SEMA6B: variants seen among roughly 807,000 people sequenced by gnomAD.
SEMA6B encodes the protein semaphorin 6B.
In SEMA6B, 47 loss-of-function variants were observed where a neutral mutation model predicts 78.6. The observed-to-expected ratio is 0.60, with a 90% CI of 0.47 to 0.76. The LOEUF (loss-of-function observed/expected upper bound fraction) is 0.76. Among genes scored for constraint, SEMA6B ranks in the 30% least tolerant of loss-of-function variants. SEMA6B has a pLI of 0.00. For synonymous variants in SEMA6B, 632 were observed against 592.2 expected, an observed-to-expected ratio of 1.07 and a Z score of -0.98; for missense variants, 1,213 against 1,269.9, an observed-to-expected ratio of 0.96 and a Z score of 0.68.
rs757895829 is a variant in SEMA6B at position 4,556,017 on chromosome 19, C to T, written c.442G>A (p.Ala148Thr). The T allele has an allele frequency of 6.2e-7, 1 of 1,614,138 alleles. No individual in the cohort carries two copies. The highest frequency in any genetic ancestry group is 8.5e-7 in the Non-Finnish European group (1 of 1,179,984). Residue 148 changes from alanine (A) to threonine (T), a missense_variant, in exon 6 of 17, where the codon GCC becomes ACC. Transcript: ENST00000586582. ...ESTLFVCGSN[A>T]FNPVCANYSI... is the part of the protein sequence containing the mutation. ...TAGTTGGCGCACACCGGGTTGAAGG[C>T]GTTGGAACCGCACACAAAGAGCGTG...
chr19:4,559,009 C>A (rs980427167), intron 1 of SEMA6B, among the ~76,000 whole-genome samples: 2 of 152,042 alleles, frequency 1.3e-5, no homozygotes, highest in Admixed American at 6.6e-5. Context: ...GCCTGCCTAA[C>A]ATAGCGAAAC....
chr19:4,558,863 TA>T lies in SEMA6B; in HGVS notation c.-32-375del, dbSNP rs926351735. Among the ~76,000 whole-genome samples the T allele has an allele frequency of 1.3e-3, 181 of 143,268 alleles. No individual in the cohort carries two copies. The highest frequency in any genetic ancestry group is 1.3e-3 in the Admixed American group (19 of 14,348). The allele number at this position is 143,268 out of a possible 152,430, so 94.0% of individuals were successfully genotyped here. A position where few individuals can be genotyped will look rare whatever the true frequency, so the allele number is the denominator to read the frequency against. ...ACACAAAAATATTAAACTCAAAGGC[TA>T]AAAAAAAAAAGAGTCAAAGGCTCTT... On this transcript the variant is annotated intron_variant, in intron 1 of 16. Coordinates refer to ENST00000586582, the MANE Select transcript of SEMA6B (RefSeq NM_032108.4). The surrounding 1 kb of genome is among the most constrained non-coding windows in gnomAD (Gnocchi z 5.1).
Position 4,558,078 on chromosome 19 carries a change from G to C in SEMA6B, c.193C>G (p.Leu65Val). The C allele has an allele frequency of 5.2e-6, 8 of 1,527,274 alleles. No homozygotes were observed. The highest frequency in any genetic ancestry group is 1.2e-5 in the South Asian group (1 of 81,278). 94.6% of individuals were successfully genotyped at this position (1,527,274 alleles called of 1,614,324 possible). ...RLTPAEGADD[L>V]NIQRVLRVNR... is the part of the protein sequence containing the mutation. ...ACCCGCAGGACTCGCTGGATGTTGA[G>C]GTCGTCAGCACCTTCTGCGGGGGTC... The change falls in exon 3 of 17, where the codon CTC becomes GTC. Residue 65 changes from leucine (L) to valine (V), a missense_variant. Coordinates refer to ENST00000586582, the MANE Select transcript of SEMA6B (RefSeq NM_032108.4). This position sits in a 1 kb window ranked among gnomAD's most constrained non-coding sequence, Gnocchi z 5.1.
intron 9 of SEMA6B, among the ~76,000 whole-genome samples, chr19:4,554,013 G>T (rs1977406978): frequency 6.6e-6 from 1 of 152,048 alleles, no homozygotes; most frequent in Non-Finnish European, 1.5e-5. Flanking sequence ...ATGGATTAAT[G>T]GGCTCATGAA....
At chr19:4,554,568 G>A in intron 8 of SEMA6B, 92 bp from the exon 9 acceptor site, 2 of 977,576 alleles carry the variant, frequency 2.0e-6, no homozygotes, top group Non-Finnish European at 1.6e-6. Flanking sequence ...GTGAAGGGGG[G>A]ACATAGGCTG....
At chr19:4,546,185 G>A (rs995243214) in intron 16 of SEMA6B, 31 bp downstream of exon 16, 25 of 1,580,822 alleles carry the variant, frequency 1.6e-5, no homozygotes, top group Non-Finnish European at 2.1e-5. Flanking sequence ...GTGGGGGATG[G>A]GGGTCTTAGC....
chr19:4,544,090 G>A lies in SEMA6B; in HGVS notation c.2178C>T (p.His726=). Residue 726 remains histidine, a synonymous_variant, in exon 17 of 17, where the codon CAC becomes CAT. Transcript: ENST00000586582. This position sits in a 1 kb window ranked among gnomAD's most constrained non-coding sequence, Gnocchi z 5.1. ...PQKRLPTPHP[H]PHALGPRAWD... is the part of the protein sequence containing the mutation. The stretch of plus-strand genomic sequence containing the variant: ...AGGCGCGGGGGCCCAGGGCGTGGGG[G>A]TGCGGGTGCGGAGTGGGCAGGCGCT... The A allele has an allele frequency of 8.0e-7, 1 of 1,257,750 alleles. No individual in the cohort carries two copies. Among genetic ancestry groups the A allele is most frequent in the Non-Finnish European group, 1.0e-6 (1 of 1,002,190 alleles). The allele number at this position is 1,257,750 out of a possible 1,614,324, so 77.9% of individuals were successfully genotyped here.
rs751130746 is a variant in SEMA6B at position 4,543,096 on chromosome 19, C to A, written c.*505G>T. 6.8e-5 allele frequency: 43 copies of A among 629,668 alleles called. No individual in the cohort carries two copies. In the Middle Eastern group the frequency reaches 1.3e-3, roughly 18 times the overall value. The allele number at this position is 629,668 out of a possible 1,614,324, so 39.0% of individuals were successfully genotyped here. On this transcript the variant is annotated 3_prime_UTR_variant, in exon 17 of 17. Coordinates refer to ENST00000586582, the MANE Select transcript of SEMA6B (RefSeq NM_032108.4). The stretch of plus-strand genomic sequence containing the variant: ...TCGCTGGCACGCACACACACGCCCA[C>A]CTCCCCGGCCCCTTGCACACGAACA...
In SEMA6B at chr19:4,544,674, G is replaced by A; in HGVS notation, c.1739-145C>T. The A allele has an allele frequency of 2.1e-6, 1 of 469,394 alleles. No individual in the cohort carries two copies. Among genetic ancestry groups the A allele is most frequent in the Non-Finnish European group, 3.4e-6 (1 of 290,302 alleles). 29.1% of individuals were successfully genotyped at this position (469,394 alleles called of 1,614,324 possible). A position where few individuals can be genotyped will look rare whatever the true frequency, so the allele number is the denominator to read the frequency against. On this transcript the variant is annotated intron_variant, in intron 16 of 16. Coordinates refer to ENST00000586582, the MANE Select transcript of SEMA6B (RefSeq NM_032108.4). The surrounding 1 kb of genome is among the most constrained non-coding windows in gnomAD (Gnocchi z 5.1). ...TTTTTGAGAAGGAGTCTTCCTTTGT[G>A]TGCCAGGCTGGAGTGCAGTGGGGCG...
At chr19:4,547,005 GC>G (rs1223341847) in intron 14 of SEMA6B, among the ~76,000 whole-genome samples, 2 of 151,718 alleles carry the variant, frequency 1.3e-5, no homozygotes, top group African/African-American at 4.8e-5. Flanking sequence ...TGTCACCCAG[GC>G]TGGAGTACAG....
In SEMA6B at chr19:4,554,989, G is replaced by A; in HGVS notation, c.669C>T (p.Ser223=). The part of the protein sequence containing the change: ...RPTLRTVKHD[S]KWFKEPYFVH... ...TCCTGGTCTCACCTTTGAACCACTT[G>A]GAGTCATGTTTCACGGTGCGCAGGG... is the stretch of plus-strand genomic sequence containing the variant. Residue 223 remains serine (S), a synonymous_variant, in exon 8 of 17, where the codon TCC becomes TCT. Transcript: ENST00000586582. The A allele has an allele frequency of 6.2e-7, 1 of 1,614,010 alleles. No individual in the cohort carries two copies. Among genetic ancestry groups the A allele is most frequent in the Non-Finnish European group, 8.5e-7 (1 of 1,179,988 alleles).
rs1225450658 is a variant in SEMA6B, at chr19:4,552,029, TC to T, written c.989+392del. Among the ~76,000 whole-genome samples, 4 of 152,080 alleles carry T rather than the reference TC, an allele frequency of 2.6e-5. No homozygotes were observed. Among genetic ancestry groups the T allele is most frequent in the African/African-American group, 9.7e-5 (4 of 41,398 alleles). ...GTTGTGCATTCTCCCCTAGTTCCCT[TC>T]CCACACAGACTCTCTCACGATTACT... On this transcript the variant is annotated intron_variant, in intron 10 of 16. Transcript: ENST00000586582. This position sits in a 1 kb window ranked among gnomAD's most constrained non-coding sequence, Gnocchi z 7.4.
At chr19:4,547,698 T>C (rs1977204826) in intron 14 of SEMA6B, among the ~76,000 whole-genome samples, 1 of 152,114 alleles carries the variant, frequency 6.6e-6, no homozygotes, top group Admixed American at 6.5e-5. Context: ...CAACCCTACA[T>C]GGCTCCCATC....
intron 5 of SEMA6B, among the ~76,000 whole-genome samples, chr19:4,556,668 G>A (rs931577504): frequency 2.0e-5 from 3 of 152,016 alleles, no homozygotes; most frequent in African/African-American, 7.3e-5. Context: ...ACTGACAGGG[G>A]CAGAAGTGTG....
intron 8 of SEMA6B, 147 bp from the exon 9 acceptor site, chr19:4,554,623 A>G (rs1977421301): frequency 1.5e-6 from 1 of 655,926 alleles, no homozygotes; most frequent in East Asian, 2.7e-5. Context: ...GGTATTTTGC[A>G]GGGGAAGGGA....
Position 4,554,432 on chromosome 19 carries a change from A to G in SEMA6B, c.727T>C (p.Phe243Leu). Reference sequence around the variant, plus strand: ...TCCATCGCAATCTCCCGGAAGAAGAAGTAGACATGGCTGCCCCACTCCACC... The same window carrying G: ...TCCATCGCAATCTCCCGGAAGAAGAGGTAGACATGGCTGCCCCACTCCACC... ...HAVEWGSHVY[F>L]FFREIAMEFN... is the part of the protein sequence containing the mutation. Residue 243 changes from phenylalanine to leucine, a missense_variant, in exon 9 of 17, where the codon TTC (phenylalanine) becomes CTC (leucine). By Grantham distance (22) the Phe-to-Leu change is conservative. Transcript: ENST00000586582. 6.2e-7 allele frequency: 1 copy of G among 1,613,998 alleles called. No homozygotes were observed. The highest frequency in any genetic ancestry group is 2.2e-5 in the East Asian group (1 of 44,882).
intron 8 of SEMA6B, among the ~76,000 whole-genome samples, chr19:4,554,730 T>G (rs910723260): frequency 2.0e-5 from 3 of 152,234 alleles, no homozygotes; most frequent in African/African-American, 7.2e-5. Flanking sequence ...AGCTGAGTCC[T>G]GCTATATCTT....
Position 4,548,361 on chromosome 19 carries a change from C to T in SEMA6B, c.1356G>A (p.Gly452=), listed in dbSNP as rs746533714. ...QTVVFLGSEA[G]TVLKFLVRPN... ...GCCGGACGAGGAACTTGAGGACCGT[C>T]CCCGCCTCAGAACCCAGGAAGACAA... The change falls in exon 13 of 17, where the codon GGG becomes GGA. Residue 452 remains glycine, a synonymous_variant. Transcript: ENST00000586582. The T allele has an allele frequency of 6.2e-7, 1 of 1,613,884 alleles. No individual in the cohort carries two copies. Among genetic ancestry groups the T allele is most frequent in the Non-Finnish European group, 8.5e-7 (1 of 1,180,020 alleles).
In SEMA6B at chr19:4,550,553, A is replaced by G. The variant is rs1258964498; in HGVS notation, c.1121+246T>C. 2.0e-5 allele frequency among the ~76,000 whole-genome samples: 3 copies of G among 152,028 alleles called. No individual in the cohort carries two copies. The highest frequency in any genetic ancestry group is 1.3e-4 in the Admixed American group (2 of 15,266). ...TAATTTTTGTATTTTTAGTAGAGAC[A>G]GGGTTTCGCCATGTTGGTCGGGCTG... is the stretch of plus-strand genomic sequence containing the variant. On this transcript the variant is annotated intron_variant, in intron 11 of 16. Coordinates refer to ENST00000586582, the MANE Select transcript of SEMA6B (RefSeq NM_032108.4). The surrounding 1 kb of genome is among the most constrained non-coding windows in gnomAD (Gnocchi z 6.6).
Sources: gnomAD v4.1 joint callset for allele counts (sites outside exome capture counted in the v4.1 genomes callset) on GRCh38, gnomAD v4.1.1 for gene constraint, Gnocchi (gnomAD v3.1) non-coding constraint, MANE v1.5 for transcripts, NCBI Gene and HGNC (gene_info 2026-07-23, HGNC 2026-07-21) for gene names.